Variants in PUDP observed in about 807,000 individuals in gnomAD.
PUDP encodes pseudouridine-5'-phosphatase.
In PUDP, 8 loss-of-function variants were observed where a neutral mutation model predicts 9.4. The observed-to-expected ratio is 0.85, with a 90% confidence interval of 0.50 to 1.53. The LOEUF (loss-of-function observed/expected upper bound fraction) is 1.53. Ranked by LOEUF, PUDP falls within the 40% of genes most tolerant of loss-of-function variation. The probability of loss-of-function intolerance (pLI) is 0.00; values close to 1 mark genes in which losing one functional copy is unlikely to be tolerated. For synonymous variants in PUDP, 99 were observed against 80.7 expected, an observed-to-expected ratio of 1.23 and a Z score of -1.22; for missense variants, 188 against 189.7, an observed-to-expected ratio of 0.99 and a Z score of 0.05.
intron 3 of PUDP, among the ~76,000 whole-genome samples, chrX:6,960,951 T>A (rs1022583417): frequency 1.8e-5 from 2 of 112,187 alleles, no homozygotes; most frequent in Admixed American, 9.5e-5. Context: ...ATGGGTTTGT[T>A]GCAATGAAGC....
At chrX:6,779,751 G>A (rs1313568763) in intron 3 of PUDP, among the ~76,000 whole-genome samples, 1 of 110,990 alleles carries the variant, frequency 9.0e-6, no homozygotes, top group Non-Finnish European at 1.9e-5. Context: ...GCAACATAGT[G>A]AGATCCAGCC....
chrX:7,131,824 G>A (rs1364530582), intron 1 of PUDP, among the ~76,000 whole-genome samples: 11 of 104,256 alleles, frequency 1.1e-4, no homozygotes, highest in African/African-American at 3.5e-4. Context: ...AGGGCTCGCC[G>A]CCATCTGCCC....
chrX:7,030,658 T>A (rs1929780487), intron 1 of PUDP, among the ~76,000 whole-genome samples: 1 of 111,304 alleles, frequency 9.0e-6, no homozygotes. Context: ...TGACACTGGG[T>A]GACTCATTTA....
chrX:7,075,659 A>G (rs908743163), intron 3 of PUDP, among the ~76,000 whole-genome samples: 1 of 111,310 alleles, frequency 9.0e-6, no homozygotes, highest in Non-Finnish European at 1.9e-5. Context: ...AAACCTCTAC[A>G]TAAGGGGCCT....
At chrX:7,126,081 AATC>A (rs1243077766) in intron 1 of PUDP, among the ~76,000 whole-genome samples, 3 of 112,192 alleles carry the variant, frequency 2.7e-5, no homozygotes, top group African/African-American at 9.7e-5. Context: ...GGGCAATGTA[AATC>A]ATCATGAAAT....
At chrX:6,814,735 C>T (rs942037675) in intron 3 of PUDP, among the ~76,000 whole-genome samples, 1 of 111,950 alleles carries the variant, frequency 8.9e-6, no homozygotes, top group South Asian at 3.7e-4. Context: ...CAACATCCTG[C>T]TTCCTAATCT....
At chrX:7,082,300 T>A (rs2146872852) in intron 2 of PUDP, among the ~76,000 whole-genome samples, 1 of 112,107 alleles carries the variant, frequency 8.9e-6, no homozygotes, top group East Asian at 2.8e-4. Flanking sequence ...GGATGTGCAA[T>A]TAAACAGGAT....
chrX:7,057,804 C>T (rs1419856717), intron 3 of PUDP: 3 of 1,151,701 alleles, frequency 2.6e-6, no homozygotes, highest in Non-Finnish European at 3.4e-6. Context: ...GGTGAGCAGA[C>T]GAGGTCTATG....
rs1431111922 is a variant in PUDP at position 7,105,621 on chromosome X, T to C, written c.279A>G (p.Pro93=). ...CTGCAAACAGCGAGGCAACCGCACC[T>C]GGCATGAGCGCAGCCGTGGGGAACA... is the stretch of plus-strand genomic sequence containing the variant. The part of the protein sequence containing the change: ...KEVFPTAALM[P]GAEKLIIHLR... The change falls in exon 2 of 4, where the codon CCA becomes CCG. Residue 93 remains proline, a splice_region_variant and synonymous_variant. Coordinates refer to ENST00000381077, the MANE Select transcript of PUDP (RefSeq NM_012080.5). 2 of 1,196,269 alleles carry C rather than the reference T, an allele frequency of 1.7e-6. No individual in the cohort carries two copies. Among genetic ancestry groups the C allele is most frequent in the Non-Finnish European group, 2.3e-6 (2 of 887,918 alleles).
chrX:7,139,551 C>T (rs948174281), intron 1 of PUDP, among the ~76,000 whole-genome samples: 42 of 59,283 alleles, frequency 7.1e-4, no homozygotes, highest in Non-Finnish European at 1.3e-3. Context: ...TGGCAGCTGA[C>T]ACAAGTGGGA....
At chrX:7,108,279 G>A (rs1186059168) in intron 1 of PUDP, among the ~76,000 whole-genome samples, 1 of 112,253 alleles carries the variant, frequency 8.9e-6, no homozygotes, top group African/African-American at 3.2e-5. Flanking sequence ...TGTGGACTTT[G>A]CCTCTGTGCA....
intron 1 of PUDP, among the ~76,000 whole-genome samples, chrX:6,998,616 C>T (rs192644694): frequency 1.5e-4 from 17 of 112,148 alleles, no homozygotes; most frequent in African/African-American, 4.8e-4. Flanking sequence ...AAAGTAACCT[C>T]AATTTGTACC....
At chrX:6,873,610 T>C (rs996352860) in intron 3 of PUDP, among the ~76,000 whole-genome samples, 7 of 112,008 alleles carry the variant, frequency 6.2e-5, no homozygotes, top group Non-Finnish European at 1.3e-4. Flanking sequence ...TCATATCCTA[T>C]GTACTTTAAA....
At chrX:6,928,257 A>G (rs1301535454) in intron 3 of PUDP, among the ~76,000 whole-genome samples, 1 of 111,234 alleles carries the variant, frequency 9.0e-6, no homozygotes, top group Non-Finnish European at 1.9e-5. Context: ...TTTCTGTTAT[A>G]GACAATGAGA....
chrX:7,006,671 T>C (rs1011991541), intron 1 of PUDP, among the ~76,000 whole-genome samples: 2 of 110,877 alleles, frequency 1.8e-5, no homozygotes, highest in African/African-American at 6.6e-5. Context: ...CAATCATGGC[T>C]GAGGTTGAGT....
chrX:6,784,381 TATTC>T (rs1468611274), intron 3 of PUDP, among the ~76,000 whole-genome samples: 1 of 111,498 alleles, frequency 9.0e-6, no homozygotes, highest in Admixed American at 9.5e-5. Context: ...ATGGGACACA[TATTC>T]ATTCTCAGCA....
intron 3 of PUDP, among the ~76,000 whole-genome samples, chrX:6,780,795 G>C (rs977541168): frequency 9.0e-6 from 1 of 110,581 alleles, no homozygotes. Flanking sequence ...AGTGCCTCAC[G>C]CCTACAATCC....
intron 3 of PUDP, among the ~76,000 whole-genome samples, chrX:6,932,965 G>A (rs2146770911): frequency 9.1e-6 from 1 of 110,213 alleles, no homozygotes; most frequent in East Asian, 2.9e-4. Context: ...AAAGCAGCCG[G>A]GAAGCTCGAA....
At chrX:7,031,416 T>G (rs1304228580) in intron 1 of PUDP, among the ~76,000 whole-genome samples, 1 of 111,523 alleles carries the variant, frequency 9.0e-6, no homozygotes, top group East Asian at 2.8e-4. Context: ...AAAGAAAGTC[T>G]CAGCTTTCCC....
Sources: allele counts gnomAD v4.1 joint callset (sites outside exome capture counted in the v4.1 genomes callset), GRCh38; gene constraint gnomAD v4.1.1; transcripts MANE v1.5; gene names NCBI Gene and HGNC (gene_info 2026-07-23, HGNC 2026-07-21).